The following CENPP variants were observed in gnomAD, a reference collection of about 807,000 sequenced individuals.
The protein encoded by CENPP is centromere protein P.
CENPP carries 24 observed loss-of-function variants against 35.6 expected under a neutral mutation model. That is an observed-to-expected ratio of 0.67 (90% CI 0.49 to 0.95). The LOEUF (loss-of-function observed/expected upper bound fraction) is 0.95. CENPP is among the 40% of genes least tolerant of loss of function. The probability of loss-of-function intolerance (pLI) is 0.00; values close to 1 mark genes in which losing one functional copy is unlikely to be tolerated. For synonymous variants in CENPP, 120 were observed against 125.5 expected (o/e 0.96, Z 0.29); for missense variants, 332 against 345.3 (o/e 0.96, Z 0.31).
At chr9:92,466,643 C>A in intron 5 of CENPP, 1 of 1,290,238 alleles carries the variant, frequency 7.8e-7, no homozygotes, top group South Asian at 1.3e-5. Flanking sequence ...CAGTGATTAG[C>A]CAATGATGGA....
chr9:92,384,493 T>C (rs1842349017), intron 5 of CENPP: 1 of 152,162 alleles, frequency 6.6e-6, no homozygotes, highest in African/African-American at 2.4e-5. Flanking sequence ...ATACTTTTAG[T>C]GGGGTACAAG....
At chr9:92,544,952 C>A (rs771453427) in intron 5 of CENPP, among the ~76,000 whole-genome samples, 2 of 152,132 alleles carry the variant, frequency 1.3e-5, no homozygotes, top group African/African-American at 4.8e-5. Context: ...AAACTCCTGA[C>A]CTCAGGTGAT....
At chr9:92,457,490 T>C (rs762686926) in intron 5 of CENPP, 18 of 1,587,254 alleles carry the variant, frequency 1.1e-5, no homozygotes, top group Non-Finnish European at 1.5e-5. Context: ...GATTATCTGT[T>C]GTAGTAGGAA....
rs1245278571 is a variant in CENPP, at chr9:92,450,780, T to C, written c.564+70921T>C. Among the ~76,000 whole-genome samples, 6 of 152,084 alleles carry C rather than the reference T, an allele frequency of 3.9e-5. No individual in the cohort carries two copies. The East Asian group carries it at 5.8e-4, about 15-fold the overall frequency. ...CTGTTGTTTCCTGACTTTTTAATGATTGCCATTCTAACTGGTGTGAGATGG... is the reference window on the plus strand; with the variant it reads ...CTGTTGTTTCCTGACTTTTTAATGACTGCCATTCTAACTGGTGTGAGATGG... On this transcript the variant is annotated intron_variant, in intron 5 of 7. Transcript: ENST00000375587.
chr9:92,384,928 A>T (rs1842364901), intron 5 of CENPP: 1 of 152,576 alleles, frequency 6.6e-6, no homozygotes, highest in Non-Finnish European at 1.5e-5. Context: ...TAGACTTAGA[A>T]TGTTAATATT....
intron 5 of CENPP, among the ~76,000 whole-genome samples, chr9:92,549,402 T>A (rs1430277452): frequency 5.9e-5 from 9 of 152,170 alleles, no homozygotes; most frequent in Non-Finnish European, 1.2e-4. Flanking sequence ...ATTCCAGCAC[T>A]TTGGGAGGCC....
intron 5 of CENPP, among the ~76,000 whole-genome samples, chr9:92,412,073 G>GAATT (rs894184002): frequency 6.6e-6 from 1 of 151,996 alleles, no homozygotes; most frequent in Admixed American, 6.6e-5. Context: ...TTTAATTAAT[G>GAATT]AATTAATTAA....
At chr9:92,562,206 TC>T (rs200876227) in intron 5 of CENPP, among the ~76,000 whole-genome samples, 10,958 of 141,616 alleles carry the variant, frequency 0.077, 633 homozygotes, top group South Asian at 0.095. Flanking sequence ...TTTTTTCTTT[TC>T]TTTTTTTTTT....
intron 5 of CENPP, among the ~76,000 whole-genome samples, chr9:92,480,231 G>A (rs1845865678): frequency 2.0e-5 from 3 of 152,196 alleles, no homozygotes; most frequent in Non-Finnish European, 4.4e-5. Flanking sequence ...CTTAATCAGA[G>A]TAGTGTTTGG....
chr9:92,424,060 C>CT (rs759311170), intron 5 of CENPP: 2 of 151,990 alleles, frequency 1.3e-5, no homozygotes, highest in East Asian at 3.9e-4. Flanking sequence ...TTTAACATAA[C>CT]TTTTTTACCA....
At chr9:92,378,148 C>T (rs934238822) in intron 4 of CENPP, among the ~76,000 whole-genome samples, 5 of 152,250 alleles carry the variant, frequency 3.3e-5, no homozygotes, top group East Asian at 1.9e-4. Flanking sequence ...TAGCAGTACC[C>T]GATTGGGAGG....
At chr9:92,419,299 C>CTTTTTT (rs34582930) in intron 5 of CENPP, among the ~76,000 whole-genome samples, 3 of 117,098 alleles carry the variant, frequency 2.6e-5, no homozygotes, top group Admixed American at 8.9e-5. Context: ...TGCCTTGTGT[C>CTTTTTT]TTTTTTTTTT....
intron 4 of CENPP, among the ~76,000 whole-genome samples, chr9:92,356,854 C>T (rs1015928645): frequency 4.6e-5 from 7 of 152,274 alleles, no homozygotes; most frequent in African/African-American, 1.7e-4. Context: ...AATTTATGTT[C>T]CTCTGCCGCA....
intron 5 of CENPP, among the ~76,000 whole-genome samples, chr9:92,493,175 A>T (rs1284452459): frequency 1.3e-5 from 2 of 152,188 alleles, no homozygotes; most frequent in African/African-American, 4.8e-5. Flanking sequence ...GAAAAGGGGG[A>T]TGGGAGTGAA....
intron 5 of CENPP, among the ~76,000 whole-genome samples, chr9:92,569,112 T>C (rs1422876936): frequency 1.3e-5 from 2 of 152,226 alleles, no homozygotes; most frequent in Non-Finnish European, 2.9e-5. Flanking sequence ...ATTTTGGCTT[T>C]TGTTGCCATT....
rs1488428709 is a variant in CENPP at position 92,476,180 on chromosome 9, C to T, written c.564+96321C>T. On this transcript the variant is annotated intron_variant, in intron 5 of 7. Coordinates refer to ENST00000375587, the MANE Select transcript of CENPP (RefSeq NM_001012267.3). This position sits in a 1 kb window ranked among gnomAD's most constrained non-coding sequence, Gnocchi z 4.1. Reference sequence around the variant, plus strand: ...AATAGTCCTCCAGGCCTGCCATTGCCCGAGTGCCAGAGAGCAGCTGAGCTG... The same window carrying T: ...AATAGTCCTCCAGGCCTGCCATTGCTCGAGTGCCAGAGAGCAGCTGAGCTG... Among the ~76,000 whole-genome samples the T allele has an allele frequency of 1.3e-5, 2 of 152,110 alleles. No individual in the cohort carries two copies. The highest frequency in any genetic ancestry group is 2.9e-5 in the Non-Finnish European group (2 of 68,030).
At chr9:92,345,625 G>A in intron 3 of CENPP, 74 bp from the exon 4 acceptor site, 1 of 775,156 alleles carries the variant, frequency 1.3e-6, no homozygotes, top group Non-Finnish European at 2.2e-6. Flanking sequence ...ATTTCATTTT[G>A]CATATTTCAA....
chr9:92,602,092 A>G (rs770765250), intron 5 of CENPP, among the ~76,000 whole-genome samples: 1 of 152,224 alleles, frequency 6.6e-6, no homozygotes, highest in Non-Finnish European at 1.5e-5. Context: ...AAGACCTCAA[A>G]GAATGGTGGG....
At chr9:92,599,533 C>CA (rs1850858553) in intron 5 of CENPP, among the ~76,000 whole-genome samples, 1 of 152,178 alleles carries the variant, frequency 6.6e-6, no homozygotes, top group Non-Finnish European at 1.5e-5. Flanking sequence ...TCTCCTACCT[C>CA]AACCTCCTGA....
Sources: allele counts gnomAD v4.1 joint callset (sites outside exome capture counted in the v4.1 genomes callset), GRCh38; gene constraint gnomAD v4.1.1; non-coding constraint Gnocchi (gnomAD v3.1); transcripts MANE v1.5; gene names NCBI Gene and HGNC (gene_info 2026-07-23, HGNC 2026-07-21).